PPFIBP2: variants seen among roughly 807,000 people sequenced by gnomAD.
PPFIBP2 encodes the protein PPFIB scaffold protein 2, also known as liprin-beta-2.
In PPFIBP2, 118 loss-of-function variants were observed where a neutral mutation model predicts 118.3. That is an observed-to-expected ratio of 1.00 (90% confidence interval 0.86 to 1.16). The LOEUF (loss-of-function observed/expected upper bound fraction) is 1.16, where lower values mean the gene tolerates loss of function less well. PPFIBP2 is among the 50% of genes most tolerant of loss of function. PPFIBP2 has a pLI of 0.00. For missense variants in PPFIBP2, 1,195 were observed against 1,073.1 expected, an observed-to-expected ratio of 1.11 and a Z score of -1.59; for synonymous variants, 414 against 397.4, an observed-to-expected ratio of 1.04 and a Z score of -0.50.
chr11:7,520,853 C>A (rs1849695897), intron 1 of PPFIBP2, among the ~76,000 whole-genome samples: 1 of 152,160 alleles, frequency 6.6e-6, no homozygotes, highest in Non-Finnish European at 1.5e-5. Context: ...GTGTCTCTGT[C>A]TTCATGGAAT....
At chr11:7,661,021 A>G (rs201504459), downstream of PPFIBP2, among the ~76,000 whole-genome samples, 24 of 151,548 alleles carry the variant, frequency 1.6e-4, 1 homozygote, top group East Asian at 4.4e-3. Flanking sequence ...TATTGTGTCT[A>G]TTTGATTCTT....
Position 7,630,954 on chromosome 11 carries a change from G to A in PPFIBP2, c.994G>A (p.Glu332Lys). ...GPSERTLSINEEEPEGGFSKW... is the reference protein window; with the variant it reads ...GPSERTLSINKEEPEGGFSKW... Reference sequence around the variant, plus strand: ...TTCGGAGAGAACTCTCTCAATCAATGAAGAAGAACCGGAGGGAGGTTTCAG... The same window carrying A: ...TTCGGAGAGAACTCTCTCAATCAATAAAGAAGAACCGGAGGGAGGTTTCAG... The change falls in exon 11 of 24, where the codon GAA becomes AAA. Residue 332 changes from glutamate to lysine, a missense_variant. Glu to Lys is a moderately conservative substitution (Grantham distance 56). Coordinates refer to ENST00000299492, the MANE Select transcript of PPFIBP2 (RefSeq NM_003621.5). The A allele has an allele frequency of 6.2e-7, 1 of 1,614,106 alleles. No homozygotes were observed. The highest frequency in any genetic ancestry group is 8.5e-7 in the Non-Finnish European group (1 of 1,179,978).
chr11:7,602,488 G>GC (rs1371108174), intron 5 of PPFIBP2, among the ~76,000 whole-genome samples: 1 of 152,152 alleles, frequency 6.6e-6, no homozygotes, highest in Non-Finnish European at 1.5e-5. Context: ...AAGCTCCTCT[G>GC]CCTCTGATCA....
rs140938897 is a variant in PPFIBP2, at chr11:7,642,302, C to T, written c.1522C>T (p.Arg508Ter). The T allele has an allele frequency of 1.2e-5, 19 of 1,613,800 alleles. No homozygotes were observed. The highest frequency in any genetic ancestry group is 2.2e-5 in the East Asian group (1 of 44,892). ...KGIKKFWGKI[R>*]RTQSGNFYTD... The stretch of plus-strand genomic sequence containing the variant: ...CATGGATTCTTCTCCATGCAGAATC[C>T]GAAGAACTCAGTCAGGAAATTTCTA... Residue 508 changes from arginine to a stop codon, truncating the protein, a stop_gained, in exon 17 of 24, where the codon CGA (arginine) becomes TGA (stop). Transcript: ENST00000299492. LOFTEE classifies it high-confidence loss of function.
rs1456770253 is a variant in PPFIBP2 at position 7,649,607 on chromosome 11, G to A, written c.2074G>A (p.Val692Ile). The A allele has an allele frequency of 6.2e-7, 1 of 1,614,216 alleles. No homozygotes were observed. Among genetic ancestry groups the A allele is most frequent in the Admixed American group, 1.7e-5 (1 of 60,016 alleles). ...SIKCAIHVLHVNKFNPHCLHR... is the reference protein window; with the variant it reads ...SIKCAIHVLHINKFNPHCLHR... The stretch of plus-strand genomic sequence containing the variant: ...CAAATGTGCCATTCACGTGCTGCAT[G>A]TCAACAAGTTCAACCCCCACTGCCT... Residue 692 changes from valine (V) to isoleucine (I), a missense_variant, in exon 21 of 24, where the codon GTC (valine) becomes ATC (isoleucine). Transcript: ENST00000299492.
chr11:7,632,590 C>T (rs185030993), intron 11 of PPFIBP2: 4 of 238,514 alleles, frequency 1.7e-5, no homozygotes, highest in Admixed American at 5.0e-5. Context: ...CAGAAAAAGC[C>T]CAAGAACCCA....
the PPFIBP2 span, chr11:7,666,790 G>C: frequency 9.8e-5 from 38 of 389,354 alleles, no homozygotes; most frequent in Non-Finnish European, 1.4e-4. Flanking sequence ...TTCCCATGGA[G>C]CTGCAGTGAC....
At chr11:7,515,682 A>G (rs1169147041) in intron 1 of PPFIBP2, among the ~76,000 whole-genome samples, 1 of 152,194 alleles carries the variant, frequency 6.6e-6, no homozygotes, top group Non-Finnish European at 1.5e-5. Context: ...TAGTCAGGAA[A>G]GCTGGTGACA....
At chr11:7,519,309 G>A (rs569617075) in intron 1 of PPFIBP2, among the ~76,000 whole-genome samples, 1 of 152,176 alleles carries the variant, frequency 6.6e-6, no homozygotes, top group African/African-American at 2.4e-5. Context: ...GGCGATCAGG[G>A]CTGCGAGAAT....
At chr11:7,577,592 T>G in intron 3 of PPFIBP2, 1 of 456,562 alleles carries the variant, frequency 2.2e-6, no homozygotes, top group Non-Finnish European at 4.4e-6. Flanking sequence ...GTGCCCAGCA[T>G]GGATGGGGAC....
downstream of PPFIBP2, chr11:7,656,909 G>C: frequency 3.8e-6 from 3 of 798,082 alleles, no homozygotes; most frequent in Non-Finnish European, 3.7e-6. Context: ...GGGCTGGCAG[G>C]GTGTCTCAGA....
At chr11:7,541,183 G>T (rs189508669) in intron 1 of PPFIBP2, among the ~76,000 whole-genome samples, 3 of 152,346 alleles carry the variant, frequency 2.0e-5, no homozygotes, top group Admixed American at 1.3e-4. Flanking sequence ...AGCCATAAAG[G>T]TCAGGCTCTC....
At position 7,632,866 on chromosome 11, in the gene PPFIBP2, G is replaced by C. The variant is rs1277863857; in HGVS notation, c.1069-1G>C. ...CCGTGACTCTTCTGTCTCTGGTGCA[G>C]ATGCCTCCAAGATGTAGCTCTCCTA... On this transcript the variant is annotated splice_acceptor_variant, in intron 11 of 23. Transcript: ENST00000299492. LOFTEE classifies it high-confidence loss of function. 1.9e-6 allele frequency: 3 copies of C among 1,612,990 alleles called. No individual in the cohort carries two copies. Among genetic ancestry groups the C allele is most frequent in the Non-Finnish European group, 2.5e-6 (3 of 1,179,006 alleles).
downstream of PPFIBP2, among the ~76,000 whole-genome samples, chr11:7,657,768 G>A (rs147603741): frequency 4.2e-4 from 64 of 152,274 alleles, no homozygotes; most frequent in African/African-American, 1.2e-3. Flanking sequence ...AAGCCTTCCC[G>A]CATGATCCAG....
intron 5 of PPFIBP2, 36 bp downstream of exon 5, chr11:7,597,709 A>G: frequency 1.3e-6 from 2 of 1,543,294 alleles, no homozygotes; most frequent in Non-Finnish European, 1.8e-6. Context: ...TTGGGTGCCG[A>G]AGCAGCTCAT....
At chr11:7,520,616 C>T (rs1325438218) in intron 1 of PPFIBP2, among the ~76,000 whole-genome samples, 2 of 150,984 alleles carry the variant, frequency 1.3e-5, no homozygotes, top group Non-Finnish European at 2.9e-5. Flanking sequence ...CTAATATAAA[C>T]ACAACTGATA....
intron 1 of PPFIBP2, among the ~76,000 whole-genome samples, chr11:7,542,923 A>G (rs1377990498): frequency 6.6e-6 from 1 of 152,248 alleles, no homozygotes; most frequent in Non-Finnish European, 1.5e-5. Context: ...AATTGATTTT[A>G]TACTGATTTT....
At chr11:7,617,307 C>G in intron 6 of PPFIBP2, 1 of 985,366 alleles carries the variant, frequency 1.0e-6, no homozygotes, top group Non-Finnish European at 1.2e-6. Context: ...AGGAACCACA[C>G]TTAAGTATAT....
chr11:7,576,256 G>A (rs1474685889), intron 3 of PPFIBP2, among the ~76,000 whole-genome samples: 1 of 152,248 alleles, frequency 6.6e-6, no homozygotes, highest in Non-Finnish European at 1.5e-5. Flanking sequence ...AGAGCTCGGG[G>A]CCTTGCGTGT....
Sources: gnomAD v4.1 joint callset for allele counts (sites outside exome capture counted in the v4.1 genomes callset) on GRCh38, gnomAD v4.1.1 for gene constraint, MANE v1.5 for transcripts, NCBI Gene and HGNC (gene_info 2026-07-23, HGNC 2026-07-21) for gene names.